BMP2K: variants seen among roughly 807,000 people sequenced by gnomAD.
The protein encoded by BMP2K is BMP-2-inducible protein kinase.
In BMP2K, 74 loss-of-function variants were observed where a neutral mutation model predicts 116.0. The ratio of observed to expected loss-of-function variants is 0.64; its 90% CI spans 0.53 to 0.77. BMP2K has a LOEUF of 0.77. Among genes scored for constraint, BMP2K ranks in the 30% least tolerant of loss-of-function variants. BMP2K has a pLI of 0.00. For missense variants in BMP2K, 1,365 were observed against 1,403.6 expected (o/e 0.97, Z 0.44); for synonymous variants, 486 against 502.5 (o/e 0.97, Z 0.44).
chr4:78,793,976 T>C (rs1728131617), intron 1 of BMP2K, among the ~76,000 whole-genome samples: 1 of 152,148 alleles, frequency 6.6e-6, no homozygotes, highest in South Asian at 2.1e-4. Context: ...CAGTTTACAG[T>C]GTATAGTGTG....
chr4:78,908,095 T>G (rs887096021), intron 15 of BMP2K, among the ~76,000 whole-genome samples: 3 of 152,200 alleles, frequency 2.0e-5, no homozygotes, highest in African/African-American at 7.2e-5. Flanking sequence ...GAATCTGCAT[T>G]TGATTTGCTT....
intron 15 of BMP2K, among the ~76,000 whole-genome samples, chr4:78,894,848 C>T (rs1733622760): frequency 3.3e-5 from 5 of 152,174 alleles, no homozygotes; most frequent in Admixed American, 3.3e-4. Flanking sequence ...CGTCCTTTCA[C>T]CTGAACACTT....
intron 7 of BMP2K, among the ~76,000 whole-genome samples, chr4:78,855,371 C>T (rs1731455059): frequency 6.6e-6 from 1 of 152,078 alleles, no homozygotes; most frequent in African/African-American, 2.4e-5. Context: ...GAGGGAAAAC[C>T]AAACAAATTT....
intron 3 of BMP2K, among the ~76,000 whole-genome samples, chr4:78,836,964 T>A (rs1325947318): frequency 2.0e-5 from 3 of 152,198 alleles, no homozygotes; most frequent in Admixed American, 6.5e-5. Flanking sequence ...TTACTGTGTG[T>A]CATTTTTGGT....
chr4:78,851,666 G>C (rs561440867), intron 7 of BMP2K, among the ~76,000 whole-genome samples: 1 of 151,892 alleles, frequency 6.6e-6, no homozygotes, highest in East Asian at 1.9e-4. Context: ...GTATGATGAA[G>C]ATGGCAGTTC....
intron 1 of BMP2K, among the ~76,000 whole-genome samples, chr4:78,784,955 C>A (rs779219039): frequency 3.5e-4 from 54 of 152,134 alleles, no homozygotes; most frequent in Non-Finnish European, 1.2e-4. Flanking sequence ...AAATGAGGAG[C>A]ATGGGACAGG....
At chr4:78,798,409 A>G (rs573384070) in intron 1 of BMP2K, among the ~76,000 whole-genome samples, 2 of 152,280 alleles carry the variant, frequency 1.3e-5, no homozygotes, top group African/African-American at 4.8e-5. Flanking sequence ...AAGTTATAGA[A>G]ATACATATGT....
intron 9 of BMP2K, among the ~76,000 whole-genome samples, chr4:78,864,892 G>T (rs75562412): frequency 0.027 from 4,181 of 152,202 alleles, 213 homozygotes; most frequent in African/African-American, 0.096. Flanking sequence ...AAAAGCAAAT[G>T]TTGGTGTCTT....
chr4:78,829,402 GTT>G (rs79345386), intron 2 of BMP2K, among the ~76,000 whole-genome samples: 20,239 of 133,772 alleles, frequency 0.15, 2,528 homozygotes, highest in African/African-American at 0.34. Context: ...ATAGTTTTTT[GTT>G]TTTTTTTTTT....
chr4:78,845,332 T>C lies in BMP2K; in HGVS notation c.668+283T>C, dbSNP rs143312614. ...TGTTAAAGGGAGTTTGAAATGATTA[T>C]TGAATTCAGTTAAACATCTTTGTTT... On this transcript the variant is annotated intron_variant, in intron 5 of 15. Coordinates refer to ENST00000502613, the MANE Select transcript of BMP2K (RefSeq NM_198892.2). Among the ~76,000 whole-genome samples the C allele has an allele frequency of 8.6e-5, 13 of 151,774 alleles. No homozygotes were observed. The East Asian group carries it at 2.3e-3, about 27-fold the overall frequency.
intron 7 of BMP2K, chr4:78,859,145 A>G (rs1166845488): frequency 6.6e-6 from 1 of 152,404 alleles, no homozygotes; most frequent in Non-Finnish European, 1.5e-5. Context: ...TATAACATAT[A>G]CAATTTAGGC....
At position 78,776,712 on chromosome 4, in the gene BMP2K, C is replaced by T; in HGVS notation, c.169C>T (p.Leu57=). 2 of 1,267,284 alleles carry T rather than the reference C, an allele frequency of 1.6e-6. No homozygotes were observed. Among genetic ancestry groups the T allele is most frequent in the Non-Finnish European group, 2.0e-6 (2 of 1,002,432 alleles). 78.5% of individuals were successfully genotyped at this position (1,267,284 alleles called of 1,614,324 possible). Reference sequence around the variant, plus strand: ...CCACCAGGTCACCCTGGAAGAGTCGCTGGCCGAAGGTACGGGCGCCCGGGG... The same window carrying T: ...CCACCAGGTCACCCTGGAAGAGTCGTTGGCCGAAGGTACGGGCGCCCGGGG... ...GRHQVTLEES[L]AEGGFSTVFL... Residue 57 remains leucine, a synonymous_variant, in exon 1 of 16, where the codon CTG becomes TTG. Transcript: ENST00000502613.
At chr4:78,903,776 G>T (rs1734141459) in intron 15 of BMP2K, among the ~76,000 whole-genome samples, 1 of 151,784 alleles carries the variant, frequency 6.6e-6, no homozygotes, top group Admixed American at 6.6e-5. Flanking sequence ...TATTTTTTGG[G>T]CATGGTTTTT....
At chr4:78,796,301 C>A (rs1728270061) in intron 1 of BMP2K, among the ~76,000 whole-genome samples, 1 of 149,334 alleles carries the variant, frequency 6.7e-6, no homozygotes, top group South Asian at 2.1e-4. Flanking sequence ...AAACCAAACA[C>A]CGCATATTCT....
At chr4:78,795,973 G>A (rs1728243564) in intron 1 of BMP2K, among the ~76,000 whole-genome samples, 1 of 151,762 alleles carries the variant, frequency 6.6e-6, no homozygotes, top group Non-Finnish European at 1.5e-5. Flanking sequence ...CATTGTGGAA[G>A]TCAGTGTGGC....
At chr4:78,794,000 G>C (rs1362148267) in intron 1 of BMP2K, among the ~76,000 whole-genome samples, 1 of 152,084 alleles carries the variant, frequency 6.6e-6, no homozygotes, top group Non-Finnish European at 1.5e-5. Context: ...TTTGCAGTTG[G>C]GGTTATTCGC....
intron 1 of BMP2K, among the ~76,000 whole-genome samples, chr4:78,779,253 G>A (rs1157881217): frequency 1.3e-5 from 2 of 152,128 alleles, no homozygotes; most frequent in South Asian, 4.1e-4. Flanking sequence ...GTCTGTTGCA[G>A]TTTAAATACA....
chr4:78,833,874 T>G (rs543290660), intron 3 of BMP2K, among the ~76,000 whole-genome samples, 187 bp downstream of exon 3: 1 of 152,290 alleles, frequency 6.6e-6, no homozygotes, highest in East Asian at 1.9e-4. Context: ...ACTGCAGTTA[T>G]GATATGAGCA....
chr4:78,912,084 C>G lies in BMP2K; in HGVS notation c.*51C>G, dbSNP rs1398500437. ...AACTCCTGTTTCAAAAAAGTGTGAACAGTTTTATGAATTTGAAAGAAAATT... is the reference window on the plus strand; with the variant it reads ...AACTCCTGTTTCAAAAAAGTGTGAAGAGTTTTATGAATTTGAAAGAAAATT... On this transcript the variant is annotated 3_prime_UTR_variant, in exon 16 of 16. Coordinates refer to ENST00000502613, the MANE Select transcript of BMP2K (RefSeq NM_198892.2). 9 of 1,494,216 alleles carry G rather than the reference C, an allele frequency of 6.0e-6. No homozygotes were observed. The highest frequency in any genetic ancestry group is 8.1e-6 in the Non-Finnish European group (9 of 1,105,480). 92.6% of individuals were successfully genotyped at this position (1,494,216 alleles called of 1,614,324 possible). A position where few individuals can be genotyped will look rare whatever the true frequency, so the allele number is the denominator to read the frequency against.
Sources: gnomAD v4.1 joint callset for allele counts (sites outside exome capture counted in the v4.1 genomes callset) on GRCh38, gnomAD v4.1.1 for gene constraint, MANE v1.5 for transcripts, NCBI Gene and HGNC (gene_info 2026-07-23, HGNC 2026-07-21) for gene names.